TRAPPC9: variants seen among roughly 807,000 people sequenced by gnomAD.
TRAPPC9 encodes the protein trafficking protein particle complex subunit 9.
Under a neutral mutation model 124.0 loss-of-function variants are expected in TRAPPC9, and 83 were observed. That is an observed-to-expected ratio of 0.67 (90% confidence interval 0.56 to 0.80). The LOEUF is 0.80. Ranked by LOEUF, TRAPPC9 falls within the 30% of genes least tolerant of loss-of-function variation. The pLI, the probability that TRAPPC9 is intolerant of heterozygous loss-of-function variation, is 0.00. For missense variants in TRAPPC9, 1,302 were observed against 1,508.3 expected (o/e 0.86, Z 2.27); for synonymous variants, 638 against 617.5 (o/e 1.03, Z -0.49).
Position 140,283,986 on chromosome 8 carries a change from A to G in TRAPPC9, c.2017T>C (p.Cys673Arg). The G allele has an allele frequency of 6.2e-7, 1 of 1,614,152 alleles. No individual in the cohort carries two copies. The highest frequency in any genetic ancestry group is 8.5e-7 in the Non-Finnish European group (1 of 1,180,022). The change falls in exon 14 of 23, where the codon TGT (cysteine) becomes CGT (arginine). Residue 673 changes from cysteine (C) to arginine (R), a missense_variant. Physicochemically the swap from Cys to Arg is radical, Grantham distance 180. Transcript: ENST00000438773. ...HTTVFGVFSDCLLDNLPGIKT... is the reference protein window; with the variant it reads ...HTTVFGVFSDRLLDNLPGIKT... ...ATTCCCGGCAGGTTATCCAGCAAAC[A>G]GTCACTGAACACACCGAAGACCGTG...
At chr8:140,433,803 T>C (rs2070729358) in intron 4 of TRAPPC9, among the ~76,000 whole-genome samples, 1 of 152,184 alleles carries the variant, frequency 6.6e-6, no homozygotes, top group Non-Finnish European at 1.5e-5. Context: ...AACTTAAGGT[T>C]GTTTCACACA....
At chr8:139,835,003 G>A (rs543845966) in intron 21 of TRAPPC9, among the ~76,000 whole-genome samples, 35 of 152,180 alleles carry the variant, frequency 2.3e-4, no homozygotes, top group Admixed American at 4.6e-4. Context: ...GCCTGGACAG[G>A]GAAGCCCAGA....
intron 17 of TRAPPC9, among the ~76,000 whole-genome samples, chr8:140,153,326 T>C (rs1469743259): frequency 6.6e-6 from 1 of 152,066 alleles, no homozygotes; most frequent in Non-Finnish European, 1.5e-5. Flanking sequence ...CCCTCCATGA[T>C]TTGTTCTTTC....
intron 5 of TRAPPC9, among the ~76,000 whole-genome samples, chr8:140,412,299 G>C (rs1474509720): frequency 6.6e-6 from 1 of 152,098 alleles, no homozygotes; most frequent in Non-Finnish European, 1.5e-5. Context: ...CAAAATAAAT[G>C]GCCTGCATTC....
chr8:140,089,345 G>T (rs2130142999), intron 17 of TRAPPC9, among the ~76,000 whole-genome samples: 1 of 152,282 alleles, frequency 6.6e-6, no homozygotes, highest in East Asian at 1.9e-4. Context: ...GTGTTTTTCA[G>T]AACTAAGACT....
chr8:139,730,743 G>A lies in TRAPPC9; in HGVS notation c.*318C>T, dbSNP rs1817761560. The A allele has an allele frequency of 2.5e-6, 1 of 407,152 alleles. No individual in the cohort carries two copies. Among genetic ancestry groups the A allele is most frequent in the Non-Finnish European group, 4.6e-6 (1 of 219,742 alleles). The allele number at this position is 407,152 out of a possible 1,614,324, so 25.2% of individuals were successfully genotyped here. A position where few individuals can be genotyped will look rare whatever the true frequency, so the allele number is the denominator to read the frequency against. On this transcript the variant is annotated 3_prime_UTR_variant, in exon 23 of 23. Transcript: ENST00000438773. ...GCAGCACAGCACGGCTGGGGCCCCA[G>A]GTCACAGAAATGGGTGCAGGGATCC...
At chr8:140,079,892 T>C (rs1188299779) in intron 17 of TRAPPC9, among the ~76,000 whole-genome samples, 4 of 152,074 alleles carry the variant, frequency 2.6e-5, no homozygotes, top group Non-Finnish European at 5.9e-5. Context: ...ATTGCACCAC[T>C]GCACTCCAGC....
chr8:139,745,428 C>A (rs1818823851), intron 21 of TRAPPC9, among the ~76,000 whole-genome samples: 1 of 152,220 alleles, frequency 6.6e-6, no homozygotes. Context: ...GCCTGGCTCC[C>A]ACACCCAGGA....
At chr8:139,932,724 T>C (rs1343164346) in intron 19 of TRAPPC9, 3 of 360,096 alleles carry the variant, frequency 8.3e-6, no homozygotes, top group Admixed American at 7.4e-5. Context: ...AGATGGTACC[T>C]CTGCACTGCA....
chr8:139,973,268 C>A (rs1335013008), intron 19 of TRAPPC9, among the ~76,000 whole-genome samples: 1 of 152,196 alleles, frequency 6.6e-6, no homozygotes, highest in South Asian at 2.1e-4. Context: ...GGGTCAGGCC[C>A]CGCACCGTAT....
At chr8:140,303,845 G>A (rs2066048291) in intron 10 of TRAPPC9, among the ~76,000 whole-genome samples, 1 of 152,140 alleles carries the variant, frequency 6.6e-6, no homozygotes, top group African/African-American at 2.4e-5. Context: ...TACTAAGAAA[G>A]GCCTCAAGGG....
At chr8:139,731,349 C>T in intron 22 of TRAPPC9, 121 bp from the exon 23 acceptor site, 3 of 1,226,960 alleles carry the variant, frequency 2.4e-6, no homozygotes, top group Non-Finnish European at 3.5e-6. Context: ...GCCGCCCAGG[C>T]CTGGCTCCAG....
intron 21 of TRAPPC9, among the ~76,000 whole-genome samples, chr8:139,885,474 T>G (rs1829943769): frequency 6.6e-6 from 1 of 152,186 alleles, no homozygotes; most frequent in Non-Finnish European, 1.5e-5. Context: ...TGTTCTCTTT[T>G]GCCATCCCAA....
intron 17 of TRAPPC9, among the ~76,000 whole-genome samples, chr8:140,201,922 C>T (rs979836364): frequency 1.3e-5 from 2 of 152,082 alleles, no homozygotes; most frequent in Non-Finnish European, 2.9e-5. Context: ...TCAGGCTCAG[C>T]TCTGACATAC....
At chr8:139,836,111 T>C (rs1183671260) in intron 21 of TRAPPC9, among the ~76,000 whole-genome samples, 3 of 151,982 alleles carry the variant, frequency 2.0e-5, no homozygotes, top group African/African-American at 4.8e-5. Context: ...CAGGTTCAGG[T>C]GATTCTCCCT....
At chr8:140,157,044 T>C (rs1336572299) in intron 17 of TRAPPC9, among the ~76,000 whole-genome samples, 1 of 26,618 alleles carries the variant, frequency 3.8e-5, no homozygotes, top group African/African-American at 1.9e-4. Flanking sequence ...AAAGCCTCCC[T>C]TTTCCATTCA....
chr8:140,000,060 G>A (rs183860500), intron 18 of TRAPPC9, among the ~76,000 whole-genome samples: 1 of 152,024 alleles, frequency 6.6e-6, no homozygotes, highest in African/African-American at 2.4e-5. Context: ...CAGAACAGAG[G>A]CCTCAGAAAT....
At chr8:140,077,691 T>A (rs1289990127) in intron 17 of TRAPPC9, among the ~76,000 whole-genome samples, 1 of 152,106 alleles carries the variant, frequency 6.6e-6, no homozygotes, top group Non-Finnish European at 1.5e-5. Context: ...ACTGTGGACA[T>A]CAGGAGTCGC....
intron 7 of TRAPPC9, among the ~76,000 whole-genome samples, chr8:140,374,467 G>A (rs1478982313): frequency 6.6e-6 from 1 of 152,182 alleles, no homozygotes; most frequent in Non-Finnish European, 1.5e-5. Context: ...CTACTTGAGA[G>A]GCTGAAGCAG....
Sources: gnomAD v4.1 joint callset for allele counts (sites outside exome capture counted in the v4.1 genomes callset) on GRCh38, gnomAD v4.1.1 for gene constraint, MANE v1.5 for transcripts, NCBI Gene and HGNC (gene_info 2026-07-23, HGNC 2026-07-21) for gene names.